The following XKR4 variants were observed in gnomAD, a reference collection of about 807,000 sequenced individuals.
The protein encoded by XKR4 is XK related 4, also known as XK-related protein 4.
A neutral mutation model predicts 53.9 loss-of-function variants in XKR4; 12 were observed. The ratio of observed to expected loss-of-function variants is 0.22; its 90% CI spans 0.14 to 0.36. The LOEUF (loss-of-function observed/expected upper bound fraction) is 0.36. Ranked by LOEUF, XKR4 falls within the 10% of genes least tolerant of loss-of-function variation. XKR4 has a pLI of 1.00. For missense variants in XKR4, 799 were observed against 859.5 expected (o/e 0.93, Z 0.88); for synonymous variants, 354 against 362.4 (o/e 0.98, Z 0.26).
At chr8:55,438,414 C>T (rs958279422) in intron 2 of XKR4, among the ~76,000 whole-genome samples, 11 of 151,428 alleles carry the variant, frequency 7.3e-5, no homozygotes, top group Non-Finnish European at 1.2e-4. Flanking sequence ...GGTGAAACCC[C>T]GTCTCTATTA....
In XKR4 at chr8:55,372,964, G is replaced by A. The variant is rs926167781; in HGVS notation, c.1006+15087G>A. 5.3e-5 allele frequency among the ~76,000 whole-genome samples: 8 copies of A among 152,142 alleles called. No homozygotes were observed. In the East Asian group the frequency reaches 7.7e-4, roughly 15 times the overall value. ...AAGCTGATTCAATTGGTATGTAAAC[G>A]TTTGTTAGGATAAAATCACATGGAG... On this transcript the variant is annotated intron_variant, in intron 2 of 2. Transcript: ENST00000327381.
chr8:55,279,081 A>G (rs780205885), intron 1 of XKR4, among the ~76,000 whole-genome samples: 6 of 152,358 alleles, frequency 3.9e-5, no homozygotes, highest in Non-Finnish European at 7.3e-5. Context: ...CACAGCTTAT[A>G]TAATCACTGT....
At chr8:55,427,481 G>A (rs889605750) in intron 2 of XKR4, among the ~76,000 whole-genome samples, 1 of 152,112 alleles carries the variant, frequency 6.6e-6, no homozygotes, top group Admixed American at 6.5e-5. Context: ...AAAGTGCTGG[G>A]ATTATAGGCA....
chr8:55,511,638 C>G (rs1265107046), intron 2 of XKR4, among the ~76,000 whole-genome samples: 1 of 152,266 alleles, frequency 6.6e-6, no homozygotes, highest in Non-Finnish European at 1.5e-5. Flanking sequence ...AATCCTGGAA[C>G]AGCTTCGACT....
At chr8:55,450,128 G>C (rs780927184) in intron 2 of XKR4, 9 of 694,604 alleles carry the variant, frequency 1.3e-5, no homozygotes, top group African/African-American at 3.5e-5. Context: ...GGTCGGCTCA[G>C]CTCTGTCTCC....
intron 1 of XKR4, among the ~76,000 whole-genome samples, chr8:55,330,139 G>T (rs910752797): frequency 7.2e-5 from 11 of 152,106 alleles, no homozygotes; most frequent in Non-Finnish European, 1.2e-4. Flanking sequence ...GACATTACTG[G>T]TGATTTTTAA....
At chr8:55,125,008 T>C (rs960217013) in intron 1 of XKR4, among the ~76,000 whole-genome samples, 1 of 152,250 alleles carries the variant, frequency 6.6e-6, no homozygotes, top group Non-Finnish European at 1.5e-5. Flanking sequence ...AGGCAGCCAA[T>C]TGTGGCAACA....
At chr8:55,180,191 T>C (rs566666823) in intron 1 of XKR4, among the ~76,000 whole-genome samples, 8 of 152,232 alleles carry the variant, frequency 5.3e-5, no homozygotes, top group Non-Finnish European at 1.2e-4. Context: ...TGACCATCAA[T>C]AGCAGCACAC....
rs987647364 is a variant in XKR4, at chr8:55,538,104, C to A, written c.*13877C>A. On this transcript the variant is annotated 3_prime_UTR_variant, in exon 3 of 3. Transcript: ENST00000327381. ...ATATGTTATTCTACAAAACAATATC[C>A]TTTTACACTATGGGATGGATTCCTT... 2 of 152,060 alleles carry A rather than the reference C, an allele frequency of 1.3e-5. No individual in the cohort carries two copies. Among genetic ancestry groups the A allele is most frequent in the Non-Finnish European group, 2.9e-5 (2 of 68,008 alleles). 9.4% of individuals were successfully genotyped at this position (152,060 alleles called of 1,614,324 possible). A position where few individuals can be genotyped will look rare whatever the true frequency, so the allele number is the denominator to read the frequency against.
intron 1 of XKR4, among the ~76,000 whole-genome samples, chr8:55,166,225 AAGG>A (rs550202249): frequency 5.1e-4 from 78 of 152,288 alleles, no homozygotes; most frequent in Non-Finnish European, 1.0e-3. Flanking sequence ...TTGGTTATAG[AAGG>A]TATATTCTTT....
Position 55,452,143 on chromosome 8 carries a change from G to T in XKR4, c.1007-71138G>T, listed in dbSNP as rs998710948. 4 of 702,036 alleles carry T rather than the reference G, an allele frequency of 5.7e-6. No individual in the cohort carries two copies. The African/African-American group carries it at 7.2e-5, about 13-fold the overall frequency. The allele number at this position is 702,036 out of a possible 1,614,324, so 43.5% of individuals were successfully genotyped here. On this transcript the variant is annotated intron_variant, in intron 2 of 2. Transcript: ENST00000327381. ...GTGGCCCTGACATCCGGTGTGTACC[G>T]CAGCTTATGCAGCTGCTTGCAGAAG...
At chr8:55,332,015 T>C (rs1012846290) in intron 1 of XKR4, among the ~76,000 whole-genome samples, 2 of 152,138 alleles carry the variant, frequency 1.3e-5, no homozygotes, top group Non-Finnish European at 2.9e-5. Flanking sequence ...ATAGCGTCCA[T>C]TATTTCCTCT....
At chr8:55,500,981 A>G (rs1806427864) in intron 2 of XKR4, among the ~76,000 whole-genome samples, 1 of 152,202 alleles carries the variant, frequency 6.6e-6, no homozygotes, top group Non-Finnish European at 1.5e-5. Flanking sequence ...TAGAAACAGG[A>G]GAGATGCAAG....
chr8:55,324,033 G>A (rs893993859), intron 1 of XKR4, among the ~76,000 whole-genome samples: 6 of 152,070 alleles, frequency 3.9e-5, no homozygotes, highest in African/African-American at 1.4e-4. Context: ...ATATAGTACA[G>A]TTATAATAGT....
chr8:55,339,615 G>A (rs1803511830), intron 1 of XKR4, among the ~76,000 whole-genome samples: 1 of 152,150 alleles, frequency 6.6e-6, no homozygotes, highest in Non-Finnish European at 1.5e-5. Context: ...TTTCTTTAAT[G>A]TTAGCAAGTT....
rs1378019763 is a variant in XKR4 at position 55,536,090 on chromosome 8, G to C, written c.*11863G>C. 6.6e-6 allele frequency: 1 copy of C among 152,200 alleles called. No individual in the cohort carries two copies. The highest frequency in any genetic ancestry group is 2.1e-4 in the South Asian group (1 of 4,824). The allele number at this position is 152,200 out of a possible 1,614,324, so 9.4% of individuals were successfully genotyped here. ...ATATCACAATGTCACAAGAGCCTCTGTGTCCAAACACACTAAACTGGGTTT... is the reference window on the plus strand; with the variant it reads ...ATATCACAATGTCACAAGAGCCTCTCTGTCCAAACACACTAAACTGGGTTT... On this transcript the variant is annotated 3_prime_UTR_variant, in exon 3 of 3. Coordinates refer to ENST00000327381, the MANE Select transcript of XKR4 (RefSeq NM_052898.2).
At chr8:55,168,578 C>T (rs1817103525) in intron 1 of XKR4, among the ~76,000 whole-genome samples, 1 of 152,184 alleles carries the variant, frequency 6.6e-6, no homozygotes, top group Non-Finnish European at 1.5e-5. Context: ...TTGGAAAGAA[C>T]AGATGTCTAC....
chr8:55,277,409 G>A (rs1452721535), intron 1 of XKR4, among the ~76,000 whole-genome samples: 1 of 152,110 alleles, frequency 6.6e-6, no homozygotes, highest in Non-Finnish European at 1.5e-5. Context: ...GGGACCAAAA[G>A]TGTTTCCATT....
intron 1 of XKR4, among the ~76,000 whole-genome samples, chr8:55,293,276 A>G (rs989480504): frequency 6.6e-6 from 1 of 152,196 alleles, no homozygotes; most frequent in Non-Finnish European, 1.5e-5. Flanking sequence ...CAAAGGTTGC[A>G]GTGAGCCGAG....
Sources: allele counts gnomAD v4.1 joint callset (sites outside exome capture counted in the v4.1 genomes callset), GRCh38; gene constraint gnomAD v4.1.1; transcripts MANE v1.5; gene names NCBI Gene and HGNC (gene_info 2026-07-23, HGNC 2026-07-21).